TBC1D8B: variants seen among roughly 807,000 people sequenced by gnomAD.
The protein encoded by TBC1D8B is TBC1 domain family member 8B.
Under a neutral mutation model 82.9 loss-of-function variants are expected in TBC1D8B, and 75 were observed. The observed-to-expected ratio is 0.90, with a 90% confidence interval of 0.75 to 1.10. The LOEUF is 1.10. Ranked by LOEUF, TBC1D8B falls within the 50% of genes least tolerant of loss-of-function variation. TBC1D8B has a pLI of 0.00. For missense variants in TBC1D8B, 794 were observed against 796.9 expected (o/e 1.00, Z 0.04); for synonymous variants, 276 against 276.8 (o/e 1.00, Z 0.03).
intron 14 of TBC1D8B, among the ~76,000 whole-genome samples, chrX:106,863,180 C>G (rs1022701171): frequency 8.9e-6 from 1 of 112,041 alleles, no homozygotes; most frequent in African/African-American, 3.2e-5. Context: ...TTAGTTTTCA[C>G]AGGTGGTGTA....
Position 106,854,208 on chromosome X carries a change from A to C in TBC1D8B, c.2264A>C (p.Asn755Thr). The C allele has an allele frequency of 8.6e-7, 1 of 1,165,596 alleles. No individual in the cohort carries two copies. Among genetic ancestry groups the C allele is most frequent in the Non-Finnish European group, 1.1e-6 (1 of 873,529 alleles). The change falls in exon 14 of 21, where the codon AAT becomes ACT. Residue 755 changes from asparagine to threonine, a missense_variant. Asn to Thr is a moderately conservative substitution (Grantham distance 65). Coordinates refer to ENST00000357242, the MANE Select transcript of TBC1D8B (RefSeq NM_017752.3). ...LIRESNEKYG[N>T]IRYEDIHSMR... is the part of the protein sequence containing the mutation. ...TCATATCTCTTGCAGAAATATGGTA[A>C]TATTCGCTATGAAGATATACATAGT... is the stretch of plus-strand genomic sequence containing the variant.
intron 1 of TBC1D8B, among the ~76,000 whole-genome samples, chrX:106,806,562 C>A (rs1252383736): frequency 5.4e-5 from 6 of 111,420 alleles, no homozygotes; most frequent in Non-Finnish European, 1.1e-4. Flanking sequence ...ACTAAGTACT[C>A]TAGTATATGG....
intron 2 of TBC1D8B, among the ~76,000 whole-genome samples, chrX:106,819,801 T>A (rs779067513): frequency 1.9e-3 from 205 of 110,588 alleles, no homozygotes; most frequent in Middle Eastern, 9.3e-3. Context: ...TTATTTTTTT[T>A]AAAAAAAGGC....
At chrX:106,848,338 A>G in intron 11 of TBC1D8B, 35 bp downstream of exon 11, 1 of 921,111 alleles carries the variant, frequency 1.1e-6, no homozygotes, top group Non-Finnish European at 1.5e-6. Context: ...ATATGCATAC[A>G]CACACAGAGA....
chrX:106,873,802 G>A lies in TBC1D8B; in HGVS notation c.3200G>A (p.Cys1067Tyr). ...GGGAGCCACTTGGAGAAAGATCCTT[G>A]TTCCTTTAGGGAGGAACCTCAGTGG... ...KTGSHLEKDP[C>Y]SFREEPQWSF... The change falls in exon 21 of 21, where the codon TGT (cysteine) becomes TAT (tyrosine). Residue 1067 changes from cysteine to tyrosine, a missense_variant. By Grantham distance (194) the Cys-to-Tyr change is radical. Coordinates refer to ENST00000357242, the MANE Select transcript of TBC1D8B (RefSeq NM_017752.3). The A allele has an allele frequency of 8.3e-7, 1 of 1,211,881 alleles. No individual in the cohort carries two copies. Among genetic ancestry groups the A allele is most frequent in the South Asian group, 1.8e-5 (1 of 56,948 alleles).
At chrX:106,807,983 G>T (rs1310173996) in intron 1 of TBC1D8B, among the ~76,000 whole-genome samples, 1 of 110,370 alleles carries the variant, frequency 9.1e-6, no homozygotes, top group Non-Finnish European at 1.9e-5. Context: ...AACCCAGGAA[G>T]TGGAGGCTGC....
chrX:106,848,597 T>C (rs1344434875), intron 11 of TBC1D8B, among the ~76,000 whole-genome samples: 1 of 111,444 alleles, frequency 9.0e-6, no homozygotes, highest in Non-Finnish European at 1.9e-5. Context: ...ATAAACTCTA[T>C]GTTGCTAAAA....
chrX:106,872,948 C>T (rs1445850967), intron 20 of TBC1D8B, among the ~76,000 whole-genome samples: 1 of 110,679 alleles, frequency 9.0e-6, no homozygotes, highest in African/African-American at 3.3e-5. Context: ...CAAGCCTGGA[C>T]AACACAGCAA....
chrX:106,850,205 A>G lies in TBC1D8B; in HGVS notation c.2018A>G (p.Asp673Gly). Residue 673 changes from aspartate (D) to glycine (G), a missense_variant, in exon 12 of 21, where the codon GAT becomes GGT. Transcript: ENST00000357242. ...AATGTGGTGGACTGTTTCTTCTATGATGGAATAAAGGCCATTTTGCAACTG... is the reference window on the plus strand; with the variant it reads ...AATGTGGTGGACTGTTTCTTCTATGGTGGAATAAAGGCCATTTTGCAACTG... The part of the protein sequence containing the change: ...AVNVVDCFFY[D>G]GIKAILQLGL... 8.3e-7 allele frequency: 1 copy of G among 1,211,611 alleles called. No individual in the cohort carries two copies. Among genetic ancestry groups the G allele is most frequent in the Non-Finnish European group, 1.1e-6 (1 of 895,461 alleles).
At position 106,865,585 on chromosome X, in the gene TBC1D8B, A is replaced by C; in HGVS notation, c.2379A>C (p.Lys793Asn). 2.5e-6 allele frequency: 3 copies of C among 1,201,490 alleles called. No homozygotes were observed. The highest frequency in any genetic ancestry group is 2.2e-5 in the Admixed American group (1 of 44,971). ...TGCGTGTTGTATCACAAGATGTGAA[A>C]TTGAGCCTTCAAGAATTGGATGAAC... is the stretch of plus-strand genomic sequence containing the variant. ...NVLRVVSQDVKLSLQELDELY... is the reference protein window; with the variant it reads ...NVLRVVSQDVNLSLQELDELY... Residue 793 changes from lysine (K) to asparagine (N), a missense_variant, in exon 15 of 21, where the codon AAA (lysine) becomes AAC (asparagine). Transcript: ENST00000357242.
intron 10 of TBC1D8B, among the ~76,000 whole-genome samples, chrX:106,842,108 T>G (rs184259634): frequency 3.1e-4 from 34 of 110,803 alleles, no homozygotes; most frequent in Non-Finnish European, 5.1e-4. Context: ...ATACTACCTA[T>G]CCACTGTAAC....
rs186790470 is a variant in TBC1D8B, at chrX:106,853,756, C to T, written c.2253+106C>T. The T allele has an allele frequency of 2.3e-5, 19 of 832,983 alleles. No individual in the cohort carries two copies. The African/African-American group carries it at 3.5e-4, about 15-fold the overall frequency. 68.6% of individuals were successfully genotyped at this position (832,983 alleles called of 1,213,427 possible). A position where few individuals can be genotyped will look rare whatever the true frequency, so the allele number is the denominator to read the frequency against. On this transcript the variant is annotated intron_variant, in intron 13 of 20. Transcript: ENST00000357242. ...AGTGTAAGATAATAATGCAAGTAGA[C>T]ATACAACTTAAAATCCAACTTAACT...
intron 14 of TBC1D8B, among the ~76,000 whole-genome samples, chrX:106,857,129 G>A (rs942321499): frequency 3.6e-5 from 4 of 110,830 alleles, no homozygotes; most frequent in African/African-American, 1.3e-4. Flanking sequence ...TTGAATAATA[G>A]CAGTAGAAGC....
chrX:106,833,322 G>A (rs1932088284), intron 7 of TBC1D8B, among the ~76,000 whole-genome samples: 1 of 111,613 alleles, frequency 9.0e-6, no homozygotes, highest in Non-Finnish European at 1.9e-5. Context: ...CTTTCTAGAT[G>A]TGATTGGATT....
In TBC1D8B at chrX:106,869,493, C is replaced by T. The variant is rs1165367729; in HGVS notation, c.2821C>T (p.Pro941Ser). Residue 941 changes from proline to serine, a missense_variant, in exon 19 of 21, where the codon CCT becomes TCT. Physicochemically the swap from Pro to Ser is moderately conservative, Grantham distance 74. Transcript: ENST00000357242. ...TACATCTTTTCTTATAGTTTCCAAG[C>T]CTGCAAATGAGAAGGAAGCAGAATC... ...LYFSQLHVSK[P>S]ANEKEAESAK... 3 of 1,205,495 alleles carry T rather than the reference C, an allele frequency of 2.5e-6. No individual in the cohort carries two copies. Among genetic ancestry groups the T allele is most frequent in the African/African-American group, 3.5e-5 (2 of 57,008 alleles).
At chrX:106,843,237 TG>T (rs1411471456) in intron 10 of TBC1D8B, among the ~76,000 whole-genome samples, 2 of 111,957 alleles carry the variant, frequency 1.8e-5, no homozygotes, top group African/African-American at 6.5e-5. Flanking sequence ...ATATGATAAC[TG>T]TCTGTTTAAC....
At chrX:106,827,058 C>A in intron 6 of TBC1D8B, 112 bp from the exon 7 acceptor site, 4 of 827,140 alleles carry the variant, frequency 4.8e-6, no homozygotes, top group Non-Finnish European at 6.9e-6. Context: ...CTTAATAAGT[C>A]ATACTATAGA....
chrX:106,804,341 A>AT (rs1260823231), intron 1 of TBC1D8B, among the ~76,000 whole-genome samples: 1 of 111,640 alleles, frequency 9.0e-6, no homozygotes, highest in African/African-American at 3.3e-5. Flanking sequence ...TCTACAGGAC[A>AT]TTTTTTAAAA....
chrX:106,850,825 A>C (rs772774553), intron 12 of TBC1D8B, among the ~76,000 whole-genome samples: 1 of 112,005 alleles, frequency 8.9e-6, no homozygotes, highest in Admixed American at 9.5e-5. Flanking sequence ...GTGGGCAACT[A>C]TCATAATGCC....
Sources: gnomAD v4.1 joint callset for allele counts (sites outside exome capture counted in the v4.1 genomes callset) on GRCh38, gnomAD v4.1.1 for gene constraint, MANE v1.5 for transcripts, NCBI Gene and HGNC (gene_info 2026-07-23, HGNC 2026-07-21) for gene names.